The following TMPRSS12 variants were observed in gnomAD, a reference collection of about 807,000 sequenced individuals.
TMPRSS12 encodes transmembrane protease serine 12.
In TMPRSS12, 25 loss-of-function variants were observed where a neutral mutation model predicts 26.0. The ratio of observed to expected loss-of-function variants is 0.96; its 90% CI spans 0.70 to 1.34. The LOEUF (loss-of-function observed/expected upper bound fraction) is 1.34. Ranked by LOEUF, TMPRSS12 falls within the 40% of genes most tolerant of loss-of-function variation. The pLI, the probability that TMPRSS12 is intolerant of heterozygous loss-of-function variation, is 0.00. For missense variants in TMPRSS12, 441 were observed against 440.1 expected, an observed-to-expected ratio of 1.00 and a Z score of -0.02; for synonymous variants, 150 against 161.7, an observed-to-expected ratio of 0.93 and a Z score of 0.55.
chr12:50,859,404 C>T (rs829140), intron 3 of TMPRSS12, among the ~76,000 whole-genome samples: 40,454 of 151,688 alleles, frequency 0.27, 6,113 homozygotes, highest in Non-Finnish European at 0.34. Context: ...TTAGTAGAGA[C>T]GGGGTTTCTC....
At position 50,858,949 on chromosome 12, in the gene TMPRSS12, A is replaced by G. The variant is rs1209172008; in HGVS notation, c.548A>G (p.Tyr183Cys). 1 of 1,590,818 alleles carries G rather than the reference A, an allele frequency of 6.3e-7. No individual in the cohort carries two copies. Among genetic ancestry groups the G allele is most frequent in the East Asian group, 2.2e-5 (1 of 44,458 alleles). The part of the protein sequence containing the change: ...ALFHLKKAVR[Y>C]NDYIQPICLP... ...TTTCACTTAAAAAAAGCAGTGAGGT[A>G]TAATGACTATATTCAGCCTATTTGC... Residue 183 changes from tyrosine (Y) to cysteine (C), a missense_variant, in exon 3 of 5, where the codon TAT becomes TGT. Coordinates refer to ENST00000398458, the MANE Select transcript of TMPRSS12 (RefSeq NM_182559.3).
At chr12:50,858,612 C>A (rs1473466755) in intron 2 of TMPRSS12, among the ~76,000 whole-genome samples, 173 bp from the exon 3 acceptor site, 1 of 152,056 alleles carries the variant, frequency 6.6e-6, no homozygotes, top group East Asian at 1.9e-4. Context: ...TCCCATTGGT[C>A]TTTTTCTCCT....
chr12:50,859,285 G>A lies in TMPRSS12; in HGVS notation c.652+232G>A, dbSNP rs558768306. The stretch of plus-strand genomic sequence containing the variant: ...GGATGGAGTGCAGTGGCACGATCTC[G>A]GCTCACTGCAGCCTCCACCTCCCAA... On this transcript the variant is annotated intron_variant, in intron 3 of 4. Coordinates refer to ENST00000398458, the MANE Select transcript of TMPRSS12 (RefSeq NM_182559.3). Among the ~76,000 whole-genome samples, 12 of 151,096 alleles carry A rather than the reference G, an allele frequency of 7.9e-5. No homozygotes were observed. The East Asian group carries it at 2.1e-3, about 27-fold the overall frequency.
Position 50,887,489 on chromosome 12 carries a change from T to C in TMPRSS12, c.1023T>C (p.Phe341=). The change falls in exon 5 of 5, where the codon TTT becomes TTC. Residue 341 remains phenylalanine (F), a synonymous_variant. Coordinates refer to ENST00000398458, the MANE Select transcript of TMPRSS12 (RefSeq NM_182559.3). ...GCCAGATCCTCATAGCTTTATGTTTTGTCATCTTACTAGCAACAACATAAA... is the reference window on the plus strand; with the variant it reads ...GCCAGATCCTCATAGCTTTATGTTTCGTCATCTTACTAGCAACAACATAAA... The part of the protein sequence containing the change: ...LRGQILIALC[F]VILLATT 2 of 1,613,192 alleles carry C rather than the reference T, an allele frequency of 1.2e-6. No individual in the cohort carries two copies. Among genetic ancestry groups the C allele is most frequent in the Non-Finnish European group, 1.7e-6 (2 of 1,179,614 alleles).
At chr12:50,876,648 C>CA (rs1473140444) in intron 3 of TMPRSS12, among the ~76,000 whole-genome samples, 12 of 151,680 alleles carry the variant, frequency 7.9e-5, no homozygotes, top group African/African-American at 2.4e-4. Flanking sequence ...ACTAAATATA[C>CA]AAAAAATTAG....
chr12:50,877,811 T>C (rs2139735571), intron 3 of TMPRSS12, among the ~76,000 whole-genome samples: 2 of 152,312 alleles, frequency 1.3e-5, no homozygotes, highest in Middle Eastern at 6.8e-3. Flanking sequence ...GGTTTCACTA[T>C]GTTGGCCAGG....
At position 50,867,878 on chromosome 12, in the gene TMPRSS12, A is replaced by C. The variant is rs1256242363; in HGVS notation, c.652+8825A>C. On this transcript the variant is annotated intron_variant, in intron 3 of 4. Transcript: ENST00000398458. ...AATTTTGTATCCCGTGAAACTAACCATCACGTGTAAAGGAGAGATAGAGTC... is the reference window on the plus strand; with the variant it reads ...AATTTTGTATCCCGTGAAACTAACCCTCACGTGTAAAGGAGAGATAGAGTC... Among the ~76,000 whole-genome samples the C allele has an allele frequency of 2.0e-5, 3 of 152,140 alleles. No homozygotes were observed. In the East Asian group the frequency reaches 5.8e-4, roughly 29 times the overall value.
intron 3 of TMPRSS12, among the ~76,000 whole-genome samples, chr12:50,864,137 C>T (rs1282190894): frequency 4.6e-5 from 7 of 152,272 alleles, no homozygotes; most frequent in African/African-American, 1.4e-4. Flanking sequence ...ACCACTCACA[C>T]GGATTTGCTA....
At position 50,844,036 on chromosome 12, in the gene TMPRSS12, AG is replaced by A. The variant is rs757955289; in HGVS notation, c.383+1del. The A allele has an allele frequency of 6.4e-7, 1 of 1,558,544 alleles. No homozygotes were observed. The highest frequency in any genetic ancestry group is 1.7e-4 in the Middle Eastern group (1 of 5,776). On this transcript the variant is annotated frameshift_variant and splice_region_variant, in exon 2 of 5. Coordinates refer to ENST00000398458, the MANE Select transcript of TMPRSS12 (RefSeq NM_182559.3). LOFTEE classifies it high-confidence loss of function. ...AGCTGCCCACTGCACTAAAGACGCT[AG>A]GTACGTATTCAGAACACAACTATTT... ...LTAAHCTKDA[S>X]DPLMWTAVIG...
At chr12:50,882,048 TTTAG>T (rs1341976887) in intron 3 of TMPRSS12, among the ~76,000 whole-genome samples, 12 of 129,888 alleles carry the variant, frequency 9.2e-5, no homozygotes, top group South Asian at 2.4e-4. Context: ...TATATGTTTA[TTTAG>T]TTAGTTAGTT....
chr12:50,877,773 C>T (rs1938126328), intron 3 of TMPRSS12, among the ~76,000 whole-genome samples: 1 of 152,112 alleles, frequency 6.6e-6, no homozygotes, highest in Admixed American at 6.5e-5. Flanking sequence ...CCACGCGTGG[C>T]TAAGTTTTGT....
intron 2 of TMPRSS12, among the ~76,000 whole-genome samples, chr12:50,853,496 G>A (rs1937845196): frequency 7.2e-6 from 1 of 139,812 alleles, no homozygotes; most frequent in Non-Finnish European, 1.5e-5. Flanking sequence ...ATGAAATTGT[G>A]ACACAAAAAA....
At chr12:50,845,239 C>G (rs886951629) in intron 2 of TMPRSS12, among the ~76,000 whole-genome samples, 1 of 152,160 alleles carries the variant, frequency 6.6e-6, no homozygotes, top group African/African-American at 2.4e-5. Context: ...CATCTCAGTT[C>G]CCATCCTTTT....
At chr12:50,881,651 A>C (rs1938164242) in intron 3 of TMPRSS12, among the ~76,000 whole-genome samples, 1 of 152,070 alleles carries the variant, frequency 6.6e-6, no homozygotes, top group South Asian at 2.1e-4. Flanking sequence ...GGTAAAACAT[A>C]AAATTTAAAG....
intron 2 of TMPRSS12, among the ~76,000 whole-genome samples, chr12:50,845,816 GATA>G (rs986745340): frequency 6.6e-6 from 1 of 152,136 alleles, no homozygotes; most frequent in African/African-American, 2.4e-5. Context: ...CTACTACTTT[GATA>G]ATAACTATCC....
Position 50,872,697 on chromosome 12 carries a change from T to TA in TMPRSS12, c.653-12549_653-12548insA, listed in dbSNP as rs1435299054. Reference sequence around the variant, plus strand: ...TATATGACGTATATGCACATATATATGACGTATATGTGTACATATATATGA... The same window carrying TA: ...TATATGACGTATATGCACATATATATAGACGTATATGTGTACATATATATGA... On this transcript the variant is annotated intron_variant, in intron 3 of 4. Transcript: ENST00000398458. Among the ~76,000 whole-genome samples, 2 of 63,432 alleles carry TA rather than the reference T, an allele frequency of 3.2e-5. 1 individual carries two copies. The highest frequency in any genetic ancestry group is 7.6e-5 in the Non-Finnish European group (2 of 26,216). The allele number at this position is 63,432 out of a possible 152,430, so 41.6% of individuals were successfully genotyped here. A position where few individuals can be genotyped will look rare whatever the true frequency, so the allele number is the denominator to read the frequency against.
At chr12:50,887,240 T>TA (rs749027192) in intron 4 of TMPRSS12, 22 bp from the exon 5 acceptor site, 3 of 1,607,970 alleles carry the variant, frequency 1.9e-6, no homozygotes, top group Non-Finnish European at 2.5e-6. Context: ...TAACAAACAC[T>TA]ATTTTGGGAC....
chr12:50,885,001 G>A (rs895193212), intron 3 of TMPRSS12, among the ~76,000 whole-genome samples: 4 of 152,088 alleles, frequency 2.6e-5, no homozygotes, highest in African/African-American at 9.7e-5. Flanking sequence ...CCGAGATCAC[G>A]TCACTGCACT....
chr12:50,864,826 T>C (rs575328585), intron 3 of TMPRSS12, among the ~76,000 whole-genome samples: 1 of 151,922 alleles, frequency 6.6e-6, no homozygotes, highest in Admixed American at 6.5e-5. Context: ...CCCAGCTAAT[T>C]TTTTGTGTGT....
Sources: allele counts gnomAD v4.1 joint callset (sites outside exome capture counted in the v4.1 genomes callset), GRCh38; gene constraint gnomAD v4.1.1; transcripts MANE v1.5; gene names NCBI Gene and HGNC (gene_info 2026-07-23, HGNC 2026-07-21).